Variants in PCDH15 observed in about 807,000 individuals in gnomAD.
PCDH15 encodes the protein protocadherin related 15, also known as protocadherin-15.
Under a neutral mutation model 178.5 loss-of-function variants are expected in PCDH15, and 129 were observed. That is an observed-to-expected ratio of 0.72 (90% CI 0.63 to 0.84). The LOEUF is 0.84. Among genes scored for constraint, PCDH15 ranks in the 40% least tolerant of loss-of-function variants. The probability of loss-of-function intolerance (pLI) is 0.00; values close to 1 mark genes in which losing one functional copy is unlikely to be tolerated. For missense variants in PCDH15, 2,230 were observed against 2,099.9 expected, an observed-to-expected ratio of 1.06 and a Z score of -1.21; for synonymous variants, 800 against 732.0, an observed-to-expected ratio of 1.09 and a Z score of -1.50.
chr10:54,623,829 A>G (rs904662959), intron 2 of PCDH15, among the ~76,000 whole-genome samples: 3 of 152,112 alleles, frequency 2.0e-5, no homozygotes, highest in Admixed American at 2.0e-4. Context: ...CTAGTTATGT[A>G]CTAATAACTA....
intron 1 of PCDH15, among the ~76,000 whole-genome samples, chr10:54,796,146 G>A (rs191123744): frequency 6.6e-6 from 1 of 151,794 alleles, no homozygotes; most frequent in East Asian, 1.9e-4. Context: ...CCATCTCACA[G>A]CCTCTCTCTT....
chr10:54,548,075 T>G (rs995749362), intron 2 of PCDH15, among the ~76,000 whole-genome samples: 2 of 143,578 alleles, frequency 1.4e-5, no homozygotes, highest in African/African-American at 5.1e-5. Context: ...CACTCCAGCC[T>G]GGGCGACAGA....
At chr10:54,128,920 C>T (rs1190959763) in intron 15 of PCDH15, among the ~76,000 whole-genome samples, 1 of 152,006 alleles carries the variant, frequency 6.6e-6, no homozygotes, top group South Asian at 2.1e-4. Flanking sequence ...TTGGAAAATA[C>T]AGAACTAATG....
intron 20 of PCDH15, among the ~76,000 whole-genome samples, chr10:54,008,525 TCC>T (rs2092459829): frequency 6.6e-6 from 1 of 152,220 alleles, no homozygotes; most frequent in Non-Finnish European, 1.5e-5. Flanking sequence ...ATAATTTAAC[TCC>T]CCTAACATTT....
chr10:55,543,571 G>A (rs74621222), intron 2 of PCDH15, among the ~76,000 whole-genome samples: 2,669 of 151,134 alleles, frequency 0.018, 79 homozygotes, highest in African/African-American at 0.061. Flanking sequence ...TAACAAAAGC[G>A]GCATTTAGAG....
intron 2 of PCDH15, among the ~76,000 whole-genome samples, chr10:54,557,497 C>A (rs956018944): frequency 6.6e-6 from 1 of 152,068 alleles, no homozygotes; most frequent in African/African-American, 2.4e-5. Context: ...TTGAGATATA[C>A]AACATTACTC....
chr10:54,020,031 T>C (rs1292312634), intron 20 of PCDH15, among the ~76,000 whole-genome samples, 161 bp downstream of exon 20: 2 of 152,124 alleles, frequency 1.3e-5, no homozygotes, highest in Non-Finnish European at 1.5e-5. Flanking sequence ...TTATTTCTTA[T>C]GTATTCATAA....
At chr10:53,970,160 G>A (rs1242431690) in intron 21 of PCDH15, among the ~76,000 whole-genome samples, 1 of 151,704 alleles carries the variant, frequency 6.6e-6, no homozygotes, top group East Asian at 1.9e-4. Flanking sequence ...AAGGGATGAA[G>A]ATCTACCAAG....
At chr10:55,340,909 C>G (rs188311545) in intron 2 of PCDH15, among the ~76,000 whole-genome samples, 11 of 151,892 alleles carry the variant, frequency 7.2e-5, no homozygotes, top group African/African-American at 2.4e-4. Context: ...ATACATCTTA[C>G]GATTCACATT....
intron 1 of PCDH15, among the ~76,000 whole-genome samples, chr10:54,762,261 T>C (rs1947972476): frequency 6.6e-6 from 1 of 152,104 alleles, no homozygotes; most frequent in African/African-American, 2.4e-5. Context: ...AGTATTTACA[T>C]ATAAATACTT....
rs777988821 is a variant in PCDH15 at position 54,235,124 on chromosome 10, T to C, written c.985+1699A>G. Among the ~76,000 whole-genome samples, 72 of 152,204 alleles carry C rather than the reference T, an allele frequency of 4.7e-4. 1 individual carries two copies. Among genetic ancestry groups the C allele is most frequent in the Admixed American group, 2.0e-4 (3 of 15,280 alleles). On this transcript the variant is annotated intron_variant, in intron 9 of 37. Coordinates refer to ENST00000644397, the MANE Select transcript of PCDH15 (RefSeq NM_001384140.1). ...GTAAGCCTTTGCTAACAGCTTACCTTTTGATGACACAAGTGCTGATGATAC... is the reference window on the plus strand; with the variant it reads ...GTAAGCCTTTGCTAACAGCTTACCTCTTGATGACACAAGTGCTGATGATAC...
chr10:54,921,513 C>CT (rs1837486897), intron 2 of PCDH15, among the ~76,000 whole-genome samples: 1 of 152,046 alleles, frequency 6.6e-6, no homozygotes, highest in South Asian at 2.1e-4. Flanking sequence ...GACCAAGTGT[C>CT]TGTTGTTCCC....
intron 2 of PCDH15, among the ~76,000 whole-genome samples, chr10:55,608,551 T>C (rs951477414): frequency 6.6e-6 from 1 of 151,828 alleles, no homozygotes; most frequent in African/African-American, 2.4e-5. Context: ...CCATAAGTAA[T>C]TGGTATATAT....
At chr10:54,566,688 C>T (rs943154315) in intron 2 of PCDH15, among the ~76,000 whole-genome samples, 1 of 152,142 alleles carries the variant, frequency 6.6e-6, no homozygotes, top group African/African-American at 2.4e-5. Context: ...ACTTTTAGCA[C>T]TGAATAATAG....
At chr10:54,435,399 G>C (rs1028709922) in intron 3 of PCDH15, among the ~76,000 whole-genome samples, 3 of 152,136 alleles carry the variant, frequency 2.0e-5, no homozygotes, top group African/African-American at 7.2e-5. Flanking sequence ...ATTATGCTAG[G>C]TCTCATAACA....
At chr10:55,405,857 T>G (rs1393941632) in intron 2 of PCDH15, among the ~76,000 whole-genome samples, 2 of 151,940 alleles carry the variant, frequency 1.3e-5, no homozygotes, top group African/African-American at 4.8e-5. Flanking sequence ...AAAGTTATTT[T>G]TAATGTTAGA....
At chr10:54,531,649 G>A (rs978282884) in intron 2 of PCDH15, among the ~76,000 whole-genome samples, 6 of 152,008 alleles carry the variant, frequency 3.9e-5, no homozygotes, top group Non-Finnish European at 5.9e-5. Flanking sequence ...TTCTTTTAAC[G>A]TTGATCAATG....
chr10:54,596,130 C>G (rs1296752260), intron 2 of PCDH15, among the ~76,000 whole-genome samples: 3 of 151,998 alleles, frequency 2.0e-5, no homozygotes, highest in Non-Finnish European at 4.4e-5. Context: ...AAGTACTTCA[C>G]AAGAAGATCA....
At chr10:54,115,018 C>A (rs1201285413) in intron 15 of PCDH15, among the ~76,000 whole-genome samples, 1 of 151,950 alleles carries the variant, frequency 6.6e-6, no homozygotes. Flanking sequence ...TGCAACTGAC[C>A]ACAAAAGGGC....
Sources: allele counts gnomAD v4.1 joint callset (sites outside exome capture counted in the v4.1 genomes callset), GRCh38; gene constraint gnomAD v4.1.1; transcripts MANE v1.5; gene names NCBI Gene and HGNC (gene_info 2026-07-23, HGNC 2026-07-21).